CAMK1D: variants seen among roughly 807,000 people sequenced by gnomAD.
CAMK1D encodes calcium/calmodulin dependent protein kinase ID, also known as calcium/calmodulin-dependent protein kinase type 1D.
A neutral mutation model predicts 47.7 loss-of-function variants in CAMK1D; 9 were observed. The ratio of observed to expected loss-of-function variants is 0.19; its 90% CI spans 0.11 to 0.33. The LOEUF (loss-of-function observed/expected upper bound fraction) is 0.33. Among genes scored for constraint, CAMK1D ranks in the 10% least tolerant of loss-of-function variants. The probability of loss-of-function intolerance (pLI) is 1.00; values close to 1 mark genes in which losing one functional copy is unlikely to be tolerated. For missense variants in CAMK1D, 291 were observed against 488.7 expected (o/e 0.60, Z 3.81); for synonymous variants, 184 against 184.9 (o/e 0.99, Z 0.04).
At chr10:12,551,254 G>T (rs970962448) in intron 1 of CAMK1D, among the ~76,000 whole-genome samples, 1 of 152,206 alleles carries the variant, frequency 6.6e-6, no homozygotes, top group East Asian at 1.9e-4. Context: ...TCTCATAGGA[G>T]CGTGAGCCCT....
intron 3 of CAMK1D, among the ~76,000 whole-genome samples, chr10:12,721,404 G>A (rs190440687): frequency 1.3e-5 from 2 of 152,292 alleles, no homozygotes; most frequent in East Asian, 3.9e-4. Flanking sequence ...TCGGCGGGCT[G>A]TGCATTACTC....
At chr10:12,471,477 C>T (rs955836054) in intron 1 of CAMK1D, among the ~76,000 whole-genome samples, 2 of 152,134 alleles carry the variant, frequency 1.3e-5, no homozygotes, top group African/African-American at 2.4e-5. Context: ...GAACCGTGTC[C>T]GAGGTCCTTT....
intron 1 of CAMK1D, among the ~76,000 whole-genome samples, chr10:12,452,775 G>A (rs146018261): frequency 0.012 from 1,775 of 151,982 alleles, 33 homozygotes; most frequent in African/African-American, 0.04. Flanking sequence ...TAGTATAGAC[G>A]GGGTTTCACC....
At chr10:12,525,254 A>G (rs10906161) in intron 1 of CAMK1D, among the ~76,000 whole-genome samples, 77,549 of 152,004 alleles carry the variant, frequency 0.51, 19,993 homozygotes, top group South Asian at 0.62. Context: ...TTCTGTAATC[A>G]GTACCTAATG....
chr10:12,695,503 A>G (rs113839241), intron 3 of CAMK1D, among the ~76,000 whole-genome samples: 2,164 of 152,286 alleles, frequency 0.014, 43 homozygotes, highest in African/African-American at 0.049. Context: ...CCACCGCATT[A>G]GAACAAGCGC....
At chr10:12,465,671 T>A (rs187576570) in intron 1 of CAMK1D, among the ~76,000 whole-genome samples, 1 of 152,300 alleles carries the variant, frequency 6.6e-6, no homozygotes, top group East Asian at 1.9e-4. Flanking sequence ...ATCTTATTTT[T>A]AACAAGCATC....
intron 1 of CAMK1D, among the ~76,000 whole-genome samples, chr10:12,530,998 C>T (rs943920142): frequency 6.7e-6 from 1 of 150,360 alleles, no homozygotes; most frequent in Non-Finnish European, 1.5e-5. Context: ...GTGAAGGTTG[C>T]AGTGAGCCAA....
chr10:12,748,536 T>A (rs11813942), intron 3 of CAMK1D, among the ~76,000 whole-genome samples: 40,146 of 151,782 alleles, frequency 0.26, 6,047 homozygotes, highest in African/African-American at 0.43. Context: ...GGAATGTGAA[T>A]AAAAACACTG....
rs373491847 is a variant in CAMK1D at position 12,522,241 on chromosome 10, G to A, written c.93-30984G>A. On this transcript the variant is annotated intron_variant, in intron 1 of 10. Transcript: ENST00000619168. Reference sequence around the variant, plus strand: ...TATTGATCATTCTTGGGTGTTTCTCGCAGAGGGGGATTTGGCAGGGTCACA... The same window carrying A: ...TATTGATCATTCTTGGGTGTTTCTCACAGAGGGGGATTTGGCAGGGTCACA... Among the ~76,000 whole-genome samples the A allele has an allele frequency of 3.5e-4, 49 of 139,540 alleles. No individual in the cohort carries two copies. The East Asian group carries it at 6.6e-3, about 19-fold the overall frequency. The allele number at this position is 139,540 out of a possible 152,430, so 91.5% of individuals were successfully genotyped here.
In CAMK1D at chr10:12,797,443, C is replaced by G. The variant is rs368927997; in HGVS notation, c.641+6210C>G. On this transcript the variant is annotated intron_variant, in intron 6 of 10. Transcript: ENST00000619168. ...CTATGTTGCCCAGGCTAATCTTGAA[C>G]TCCTGACCTCAAGTGATCCTCCCAA... Among the ~76,000 whole-genome samples, 190 of 151,942 alleles carry G rather than the reference C, an allele frequency of 1.3e-3. 2 individuals carry two copies. Among genetic ancestry groups the G allele is most frequent in the African/African-American group, 4.4e-3 (183 of 41,426 alleles).
At chr10:12,454,608 G>C (rs1458585065) in intron 1 of CAMK1D, among the ~76,000 whole-genome samples, 1 of 152,122 alleles carries the variant, frequency 6.6e-6, no homozygotes, top group South Asian at 2.1e-4. Context: ...GACTATAGGC[G>C]TGCACTGCCA....
intron 2 of CAMK1D, among the ~76,000 whole-genome samples, chr10:12,564,147 G>C (rs56297663): frequency 0.36 from 50,372 of 138,266 alleles, 10,242 homozygotes; most frequent in East Asian, 0.48. Flanking sequence ...CTCTCTCTCT[G>C]TCTCTCTCTC....
At chr10:12,455,867 A>G (rs191570415) in intron 1 of CAMK1D, among the ~76,000 whole-genome samples, 33 of 152,364 alleles carry the variant, frequency 2.2e-4, no homozygotes, top group Non-Finnish European at 4.0e-4. Context: ...ATACAAAACC[A>G]TATTAAACAA....
chr10:12,422,893 G>A (rs1184957070), intron 1 of CAMK1D, among the ~76,000 whole-genome samples: 1 of 151,930 alleles, frequency 6.6e-6, no homozygotes, highest in East Asian at 1.9e-4. Context: ...GGCTGGTTTC[G>A]AACTCCTGAC....
intron 3 of CAMK1D, among the ~76,000 whole-genome samples, chr10:12,713,921 T>C (rs1834024427): frequency 6.6e-6 from 1 of 152,190 alleles, no homozygotes; most frequent in Non-Finnish European, 1.5e-5. Flanking sequence ...CTTTCCCCTT[T>C]AGGGCAAAAA....
At chr10:12,590,343 G>A (rs565667402) in intron 2 of CAMK1D, among the ~76,000 whole-genome samples, 21 of 152,166 alleles carry the variant, frequency 1.4e-4, no homozygotes, top group Non-Finnish European at 2.4e-4. Flanking sequence ...TCAGCCTTCC[G>A]AGTAGCTCGG....
intron 1 of CAMK1D, among the ~76,000 whole-genome samples, chr10:12,537,075 T>A (rs1278966553): frequency 6.6e-6 from 1 of 151,974 alleles, no homozygotes; most frequent in East Asian, 1.9e-4. Context: ...TCACTTTTTC[T>A]TCTTCTTTTT....
chr10:12,801,354 T>TATCTATCTAATCTATCTATCTATC (rs57429397), intron 6 of CAMK1D, among the ~76,000 whole-genome samples: 4 of 66,490 alleles, frequency 6.0e-5, no homozygotes, highest in East Asian at 9.9e-4. Flanking sequence ...TCTATCTATC[T>TATCTATCTAATCTATCTATCTATC]TATCTATCTA....
chr10:12,653,072 C>G (rs1330050826), intron 2 of CAMK1D: 2 of 154,164 alleles, frequency 1.3e-5, no homozygotes, highest in Non-Finnish European at 2.9e-5. Context: ...TGAGAACCTT[C>G]TTGCTGTGGG....
Sources: gnomAD v4.1 joint callset for allele counts (sites outside exome capture counted in the v4.1 genomes callset) on GRCh38, gnomAD v4.1.1 for gene constraint, MANE v1.5 for transcripts, NCBI Gene and HGNC (gene_info 2026-07-23, HGNC 2026-07-21) for gene names.